KLF12: variants seen among roughly 807,000 people sequenced by gnomAD.
KLF12 encodes the protein KLF transcription factor 12, also known as Krueppel-like factor 12.
KLF12 carries 9 observed loss-of-function variants against 37.8 expected under a neutral mutation model. That is an observed-to-expected ratio of 0.24 (90% CI 0.14 to 0.42). KLF12 has a LOEUF of 0.42. Among genes scored for constraint, KLF12 ranks in the 10% least tolerant of loss-of-function variants. The pLI, the probability that KLF12 is intolerant of heterozygous loss-of-function variation, is 1.00. For synonymous variants in KLF12, 208 were observed against 202.1 expected, an observed-to-expected ratio of 1.03 and a Z score of -0.25; for missense variants, 411 against 516.0, an observed-to-expected ratio of 0.80 and a Z score of 1.97.
chr13:73,788,732 T>C (rs551711718), intron 5 of KLF12, among the ~76,000 whole-genome samples: 11 of 152,316 alleles, frequency 7.2e-5, no homozygotes, highest in African/African-American at 1.7e-4. Flanking sequence ...TTCAATTTTA[T>C]ACATTAAATT....
upstream of KLF12, among the ~76,000 whole-genome samples, chr13:74,134,302 C>A (rs867659807): frequency 6.6e-5 from 10 of 151,718 alleles, no homozygotes; most frequent in Admixed American, 6.6e-4. Flanking sequence ...GCGGGGGCGG[C>A]GGCGGGGAGG....
At chr13:73,974,519 G>T (rs563986639) in intron 2 of KLF12, among the ~76,000 whole-genome samples, 1 of 152,190 alleles carries the variant, frequency 6.6e-6, no homozygotes, top group African/African-American at 2.4e-5. Flanking sequence ...ATTTAAAGAT[G>T]CAAGAAGTCA....
intron 5 of KLF12, among the ~76,000 whole-genome samples, chr13:73,778,552 G>A (rs1481679720): frequency 2.0e-5 from 3 of 152,046 alleles, no homozygotes; most frequent in South Asian, 2.1e-4. Flanking sequence ...TAGAGATGAG[G>A]TGAGGCCTCC....
At chr13:73,790,675 G>A (rs1332668496) in intron 5 of KLF12, among the ~76,000 whole-genome samples, 2 of 152,224 alleles carry the variant, frequency 1.3e-5, no homozygotes. Flanking sequence ...AAGCCACAGT[G>A]CATCATTTAG....
intron 3 of KLF12, among the ~76,000 whole-genome samples, chr13:73,850,604 A>G (rs1022364696): frequency 8.5e-5 from 13 of 152,210 alleles, no homozygotes; most frequent in Admixed American, 4.6e-4. Context: ...TTTTCTGTGT[A>G]GTCAGAGCTG....
At chr13:73,851,163 GAGC>G (rs1432696954) in intron 3 of KLF12, among the ~76,000 whole-genome samples, 1 of 152,172 alleles carries the variant, frequency 6.6e-6, no homozygotes, top group Admixed American at 6.6e-5. Context: ...ACAAGCAAAT[GAGC>G]AGAACTTCCT....
At chr13:73,850,852 T>C (rs1231354771) in intron 3 of KLF12, among the ~76,000 whole-genome samples, 1 of 152,238 alleles carries the variant, frequency 6.6e-6, no homozygotes, top group Non-Finnish European at 1.5e-5. Context: ...TTAGAAAAGA[T>C]TATAAAGTAA....
intron 6 of KLF12, among the ~76,000 whole-genome samples, chr13:73,727,328 T>C (rs1876737277): frequency 6.6e-6 from 1 of 152,226 alleles, no homozygotes; most frequent in Non-Finnish European, 1.5e-5. Context: ...GCTTTGACTC[T>C]TACATTTAGA....
the KLF12 span, among the ~76,000 whole-genome samples, chr13:74,151,938 G>C: frequency 6.6e-6 from 1 of 152,170 alleles, no homozygotes; most frequent in South Asian, 2.1e-4. Context: ...ACGTTGAAAA[G>C]AAGAGAGACG....
chr13:73,895,299 G>A (rs1302966699), intron 3 of KLF12, among the ~76,000 whole-genome samples: 2 of 152,158 alleles, frequency 1.3e-5, no homozygotes, highest in South Asian at 2.1e-4. Flanking sequence ...GGCTCCCTTG[G>A]AACACTTTTG....
chr13:73,835,424 T>A (rs559151047), intron 4 of KLF12, among the ~76,000 whole-genome samples: 9 of 151,746 alleles, frequency 5.9e-5, no homozygotes, highest in African/African-American at 1.9e-4. Context: ...TTGGTTGATA[T>A]GAAAGAGAAA....
At chr13:74,047,954 C>CAAGG (rs1482751264) in intron 1 of KLF12, among the ~76,000 whole-genome samples, 6 of 152,210 alleles carry the variant, frequency 3.9e-5, no homozygotes, top group Admixed American at 2.6e-4. Flanking sequence ...GTCAGGCAGT[C>CAAGG]AAGGGTATGG....
the KLF12 span, among the ~76,000 whole-genome samples, chr13:74,265,928 T>C: frequency 6.6e-6 from 1 of 152,098 alleles, no homozygotes; most frequent in Non-Finnish European, 1.5e-5. Flanking sequence ...AAATGGTAGG[T>C]TGTGGTCATT....
At chr13:74,185,715 C>T in the KLF12 span, among the ~76,000 whole-genome samples, 1,491 of 151,402 alleles carry the variant, frequency 9.8e-3, 16 homozygotes, top group African/African-American at 0.033. Context: ...GGTGTGATCT[C>T]GGCTCACTGC....
intron 3 of KLF12, among the ~76,000 whole-genome samples, chr13:73,849,386 A>C (rs1455386253): frequency 6.6e-6 from 1 of 151,092 alleles, no homozygotes; most frequent in Admixed American, 6.6e-5. Flanking sequence ...AAAAAAAAAA[A>C]AAAAAAAAAA....
At chr13:74,092,008 A>AG (rs397936768) in intron 1 of KLF12, among the ~76,000 whole-genome samples, 1 of 150,856 alleles carries the variant, frequency 6.6e-6, no homozygotes, top group Non-Finnish European at 1.5e-5. Flanking sequence ...AAAAAAAAAA[A>AG]CCCAGACGTG....
intron 1 of KLF12, among the ~76,000 whole-genome samples, chr13:73,995,858 G>C (rs995311838): frequency 6.6e-6 from 1 of 152,110 alleles, no homozygotes; most frequent in Non-Finnish European, 1.5e-5. Context: ...CATTTCATGA[G>C]GCAAATTTTC....
intron 2 of KLF12, among the ~76,000 whole-genome samples, chr13:73,953,554 T>C (rs1890717518): frequency 6.6e-6 from 1 of 152,216 alleles, no homozygotes; most frequent in Non-Finnish European, 1.5e-5. Context: ...AGGGAGTATG[T>C]AATGAAATAA....
chr13:73,767,295 C>T (rs1879978891), intron 5 of KLF12, among the ~76,000 whole-genome samples: 2 of 152,188 alleles, frequency 1.3e-5, no homozygotes, highest in South Asian at 2.1e-4. Context: ...GAGAAACCAC[C>T]ACCTAATCTG....
Sources: allele counts gnomAD v4.1 joint callset (sites outside exome capture counted in the v4.1 genomes callset), GRCh38; gene constraint gnomAD v4.1.1; transcripts MANE v1.5; gene names NCBI Gene and HGNC (gene_info 2026-07-23, HGNC 2026-07-21).